The following NSD2 variants were observed in gnomAD, a reference collection of about 807,000 sequenced individuals.
NSD2 encodes histone-lysine N-methyltransferase NSD2.
A neutral mutation model predicts 139.0 loss-of-function variants in NSD2; 12 were observed. The observed-to-expected ratio is 0.09, with a 90% CI of 0.06 to 0.14. The LOEUF (loss-of-function observed/expected upper bound fraction) is 0.14, where lower values mean the gene tolerates loss of function less well. Among genes scored for constraint, NSD2 ranks in the 10% least tolerant of loss-of-function variants. The probability of loss-of-function intolerance (pLI) is 1.00; values close to 1 mark genes in which losing one functional copy is unlikely to be tolerated. For synonymous variants in NSD2, 669 were observed against 648.7 expected, an observed-to-expected ratio of 1.03 and a Z score of -0.48; for missense variants, 1,155 against 1,745.0, an observed-to-expected ratio of 0.66 and a Z score of 6.02.
intron 3 of NSD2, among the ~76,000 whole-genome samples, chr4:1,914,242 C>T (rs1256626477): frequency 1.3e-5 from 2 of 152,138 alleles, no homozygotes; most frequent in South Asian, 2.1e-4. Flanking sequence ...AGGCTGGTCT[C>T]GAACTTCTGA....
chr4:1,892,588 C>T (rs1435035001), intron 1 of NSD2, among the ~76,000 whole-genome samples: 3 of 151,150 alleles, frequency 2.0e-5, no homozygotes, highest in East Asian at 3.9e-4. Flanking sequence ...TTTTTTGAGA[C>T]GGAGTCTTGC....
chr4:1,887,044 CA>C (rs1416542086), intron 1 of NSD2, among the ~76,000 whole-genome samples: 2 of 152,132 alleles, frequency 1.3e-5, no homozygotes, highest in African/African-American at 4.8e-5. Flanking sequence ...GAAAAAACAA[CA>C]ACCTGTATTT....
chr4:1,883,123 A>G (rs1450335891), intron 1 of NSD2, among the ~76,000 whole-genome samples: 1 of 152,158 alleles, frequency 6.6e-6, no homozygotes. Context: ...TGCCAGTGAT[A>G]GCCCTAAGTT....
chr4:1,949,340 C>T (rs1460176556), intron 9 of NSD2, among the ~76,000 whole-genome samples: 1 of 152,146 alleles, frequency 6.6e-6, no homozygotes, highest in Non-Finnish European at 1.5e-5. Context: ...GGTGAGGAAA[C>T]CAAGATTAAG....
At chr4:1,938,399 TTCTTTTTTTTTTCTTTC>T in intron 7 of NSD2, 35 bp from the exon 8 acceptor site, 39 of 1,284,272 alleles carry the variant, frequency 3.0e-5, no homozygotes, top group South Asian at 3.6e-5. Flanking sequence ...TTTTTTTCTT[TTCTTTTTTTTTTCTTTC>T]TTTTTTTTTT....
At position 1,953,341 on chromosome 4, in the gene NSD2, G is replaced by A. The variant is rs200415868; in HGVS notation, c.2155G>A (p.Val719Met). ...TTTGTTAGGGATTCACTCATGTTTC[G>A]TGTGTAAAGAGAGCAAGACAGATGT... ...ECASGIHSCF[V>M]CKESKTDVKR... Residue 719 changes from valine (V) to methionine (M), a missense_variant, in exon 12 of 22, where the codon GTG (valine) becomes ATG (methionine). This residue lies in a region of NSD2 where 120 missense variants were observed against 239.3 expected (regional missense o/e 0.50). Transcript: ENST00000508803. The A allele has an allele frequency of 2.5e-6, 4 of 1,614,186 alleles. No homozygotes were observed. Among genetic ancestry groups the A allele is most frequent in the South Asian group, 2.2e-5 (2 of 91,076 alleles).
chr4:1,950,021 G>C (rs1167964869), intron 9 of NSD2, among the ~76,000 whole-genome samples: 1 of 152,104 alleles, frequency 6.6e-6, no homozygotes, highest in East Asian at 1.9e-4. Flanking sequence ...TTGTTTTTGT[G>C]ATGATTGAGG....
chr4:1,904,314 T>C lies in NSD2; in HGVS notation c.696T>C (p.Gly232=), dbSNP rs889604906. ...ATTTGGTGTGGTCCAAAGTGTCGGG[T>C]TACCCTTGGTGGCCTTGCATGGTTT... ...VGDLVWSKVS[G]YPWWPCMVSA... Residue 232 remains glycine (G), a synonymous_variant, in exon 3 of 22, where the codon GGT becomes GGC. Transcript: ENST00000508803. The C allele has an allele frequency of 6.2e-7, 1 of 1,614,192 alleles. No individual in the cohort carries two copies. Among genetic ancestry groups the C allele is most frequent in the Admixed American group, 1.7e-5 (1 of 60,026 alleles).
intron 12 of NSD2, chr4:1,954,567 C>T (rs1166416615): frequency 2.6e-5 from 4 of 152,276 alleles, no homozygotes; most frequent in Non-Finnish European, 5.9e-5. Context: ...GTTGCCCAAG[C>T]TGGTCTTCAA....
Position 1,972,228 on chromosome 4 carries a change from T to C in NSD2, c.3373-2635T>C, listed in dbSNP as rs1726567378. Among the ~76,000 whole-genome samples the C allele has an allele frequency of 6.6e-6, 1 of 152,144 alleles. No homozygotes were observed. The highest frequency in any genetic ancestry group is 1.5e-5 in the Non-Finnish European group (1 of 68,030). Reference sequence around the variant, plus strand: ...GATGCGTGTATTGAATGGAGCAGGCTTCTGTGGAAAGTTCGGCAGTGTCAC... The same window carrying C: ...GATGCGTGTATTGAATGGAGCAGGCCTCTGTGGAAAGTTCGGCAGTGTCAC... On this transcript the variant is annotated intron_variant, in intron 18 of 21. Transcript: ENST00000508803. The surrounding 1 kb of genome is among the most constrained non-coding windows in gnomAD (Gnocchi z 4.0).
In NSD2 at chr4:1,979,353, G is replaced by GGGTGAGGCCC; in HGVS notation, c.*446_*455dup. ...GCGCCGTCGCCACTCGGGAGAGGCTGGGTGAGGCCCGTGTGAGGACTGACC... is the reference window on the plus strand; with the variant it reads ...GCGCCGTCGCCACTCGGGAGAGGCTGGGTGAGGCCCGGTGAGGCCCGTGTGAGGACTGACC... On this transcript the variant is annotated 3_prime_UTR_variant, in exon 22 of 22. Coordinates refer to ENST00000508803, the MANE Select transcript of NSD2 (RefSeq NM_001042424.3). 4.2e-6 allele frequency: 1 copy of GGGTGAGGCCC among 238,688 alleles called. No individual in the cohort carries two copies. Among genetic ancestry groups the GGGTGAGGCCC allele is most frequent in the Middle Eastern group, 1.2e-3 (1 of 804 alleles). 14.8% of individuals were successfully genotyped at this position (238,688 alleles called of 1,614,324 possible). A position where few individuals can be genotyped will look rare whatever the true frequency, so the allele number is the denominator to read the frequency against.
Position 1,955,243 on chromosome 4 carries a change from C to T in NSD2, c.2421C>T (p.Ala807=), listed in dbSNP as rs1452966190. Residue 807 remains alanine (A), a synonymous_variant, in exon 13 of 22, where the codon GCC becomes GCT. Coordinates refer to ENST00000508803, the MANE Select transcript of NSD2 (RefSeq NM_001042424.3). This position sits in a 1 kb window ranked among gnomAD's most constrained non-coding sequence, Gnocchi z 4.7. The part of the protein sequence containing the change: ...ACLAAGCSVI[A]SNSIICTAHF... ...TGGCAGCAGGATGCTCAGTGATCGC[C>T]TCCAACAGCATCATCTGCACTGCCC... 16 of 1,614,054 alleles carry T rather than the reference C, an allele frequency of 9.9e-6. No homozygotes were observed. Among genetic ancestry groups the T allele is most frequent in the Admixed American group, 1.7e-5 (1 of 60,008 alleles).
rs763004569 is a variant in NSD2 at position 1,976,340 on chromosome 4, C to G, written c.3622-135C>G. 41 of 923,190 alleles carry G rather than the reference C, an allele frequency of 4.4e-5. No homozygotes were observed. Among genetic ancestry groups the G allele is most frequent in the Non-Finnish European group, 6.3e-5 (38 of 604,624 alleles). The allele number at this position is 923,190 out of a possible 1,614,324, so 57.2% of individuals were successfully genotyped here. A position where few individuals can be genotyped will look rare whatever the true frequency, so the allele number is the denominator to read the frequency against. ...ATGTCTGGGGAGCACGAGGAGGACA[C>G]TCCTCTCCTCTCCTCTTAGTGTTGG... On this transcript the variant is annotated intron_variant, in intron 20 of 21. Transcript: ENST00000508803. The surrounding 1 kb of genome is among the most constrained non-coding windows in gnomAD (Gnocchi z 5.3).
chr4:1,949,585 A>G (rs1394581965), intron 9 of NSD2, among the ~76,000 whole-genome samples: 3 of 152,142 alleles, frequency 2.0e-5, no homozygotes, highest in Non-Finnish European at 4.4e-5. Flanking sequence ...ACATGGTGAA[A>G]CCCCATCTCT....
rs111994664 is a variant in NSD2 at position 1,907,149 on chromosome 4, A to G, written c.760+2771A>G. ...TCTCGCTAAGCTTCAGTTTCCCTGTATATGAAAATGAGGAAGATGATACCA... is the reference window on the plus strand; with the variant it reads ...TCTCGCTAAGCTTCAGTTTCCCTGTGTATGAAAATGAGGAAGATGATACCA... On this transcript the variant is annotated intron_variant, in intron 3 of 21. Coordinates refer to ENST00000508803, the MANE Select transcript of NSD2 (RefSeq NM_001042424.3). Among the ~76,000 whole-genome samples, 935 of 152,262 alleles carry G rather than the reference A, an allele frequency of 6.1e-3. 10 individuals carry two copies. The highest frequency in any genetic ancestry group is 0.021 in the African/African-American group (886 of 41,558).
chr4:1,924,827 T>C (rs1383066272), intron 5 of NSD2, among the ~76,000 whole-genome samples: 1 of 151,966 alleles, frequency 6.6e-6, no homozygotes, highest in East Asian at 1.9e-4. Flanking sequence ...CTCAGGAAGC[T>C]GAGGCAGGAG....
At position 1,972,244 on chromosome 4, in the gene NSD2, G is replaced by A. The variant is rs1360293814; in HGVS notation, c.3373-2619G>A. Among the ~76,000 whole-genome samples, 1 of 152,190 alleles carries A rather than the reference G, an allele frequency of 6.6e-6. No homozygotes were observed. The highest frequency in any genetic ancestry group is 1.5e-5 in the Non-Finnish European group (1 of 68,044). On this transcript the variant is annotated intron_variant, in intron 18 of 21. Transcript: ENST00000508803. This position sits in a 1 kb window ranked among gnomAD's most constrained non-coding sequence, Gnocchi z 4.0. Reference sequence around the variant, plus strand: ...GGAGCAGGCTTCTGTGGAAAGTTCGGCAGTGTCACTGACGGACACAAGAGA... The same window carrying A: ...GGAGCAGGCTTCTGTGGAAAGTTCGACAGTGTCACTGACGGACACAAGAGA...
chr4:1,886,795 C>T (rs1047808545), intron 1 of NSD2, among the ~76,000 whole-genome samples: 12 of 151,900 alleles, frequency 7.9e-5, no homozygotes, highest in Admixed American at 5.9e-4. Context: ...GCTGAGATCG[C>T]GCCACTGCAC....
rs775280267 is a variant in NSD2, at chr4:1,957,829, A to G, written c.2882-104A>G. The stretch of plus-strand genomic sequence containing the variant: ...TCTAGTTTTATGGGAACCAGAAACT[A>G]TACTTAACATTGAAAGTTTAGAGTG... On this transcript the variant is annotated intron_variant, in intron 15 of 21. Transcript: ENST00000508803. The G allele has an allele frequency of 1.7e-5, 19 of 1,099,750 alleles. No homozygotes were observed. In the African/African-American group the frequency reaches 2.4e-4, roughly 14 times the overall value. 68.1% of individuals were successfully genotyped at this position (1,099,750 alleles called of 1,614,324 possible). A position where few individuals can be genotyped will look rare whatever the true frequency, so the allele number is the denominator to read the frequency against.
Sources: allele counts gnomAD v4.1 joint callset (sites outside exome capture counted in the v4.1 genomes callset), GRCh38; gene constraint gnomAD v4.1.1; regional missense constraint gnomAD v4.1.1; non-coding constraint Gnocchi (gnomAD v3.1); transcripts MANE v1.5; gene names NCBI Gene and HGNC (gene_info 2026-07-23, HGNC 2026-07-21).